EDAR: variants seen among roughly 807,000 people sequenced by gnomAD.
The protein encoded by EDAR is tumor necrosis factor receptor superfamily member EDAR.
EDAR carries 38 observed loss-of-function variants against 51.3 expected under a neutral mutation model. The observed-to-expected ratio is 0.74, with a 90% CI of 0.57 to 0.97. The LOEUF is 0.97. Ranked by LOEUF, EDAR falls within the 50% of genes least tolerant of loss-of-function variation. The pLI, the probability that EDAR is intolerant of heterozygous loss-of-function variation, is 0.00. For synonymous variants in EDAR, 227 were observed against 242.1 expected, an observed-to-expected ratio of 0.94 and a Z score of 0.58; for missense variants, 528 against 595.0, an observed-to-expected ratio of 0.89 and a Z score of 1.17.
intron 5 of EDAR, among the ~76,000 whole-genome samples, chr2:108,921,792 G>A (rs908879564): frequency 8.5e-5 from 13 of 152,210 alleles, no homozygotes; most frequent in African/African-American, 3.1e-4. Flanking sequence ...CTATCTGGCC[G>A]CATCTCCCCA....
intron 11 of EDAR, among the ~76,000 whole-genome samples, chr2:108,901,222 A>G (rs1190007644): frequency 1.3e-5 from 2 of 152,202 alleles, no homozygotes. Flanking sequence ...AAACCAGACA[A>G]CAGTCTTCTA....
In EDAR at chr2:108,927,033, G is replaced by A. The variant is rs150566629; in HGVS notation, c.356+2165C>T. ...GAGCCCCTGAGAGGGGCTGGGATTC[G>A]GAGGTGAGGCGGGGGCCTTCAATTT... On this transcript the variant is annotated intron_variant, in intron 4 of 11. Transcript: ENST00000258443. Among the ~76,000 whole-genome samples, 24 of 152,344 alleles carry A rather than the reference G, an allele frequency of 1.6e-4. No individual in the cohort carries two copies. In the East Asian group the frequency reaches 4.1e-3, roughly 26 times the overall value.
At chr2:108,957,927 T>C (rs1022032245) in intron 1 of EDAR, among the ~76,000 whole-genome samples, 5 of 152,204 alleles carry the variant, frequency 3.3e-5, no homozygotes, top group Non-Finnish European at 5.9e-5. Flanking sequence ...GTCTCTTTAA[T>C]ATAAACAAGA....
chr2:108,981,534 C>T (rs1698420221), intron 1 of EDAR, among the ~76,000 whole-genome samples: 1 of 152,332 alleles, frequency 6.6e-6, no homozygotes, highest in South Asian at 2.1e-4. Context: ...AACACCTGTC[C>T]AGGATCCGGG....
intron 11 of EDAR, 92 bp downstream of exon 11, chr2:108,906,216 A>G: frequency 7.3e-7 from 1 of 1,366,020 alleles, no homozygotes; most frequent in Non-Finnish European, 1.0e-6. Context: ...GGCTTCCCTC[A>G]GTTCCCCTCA....
intron 1 of EDAR, among the ~76,000 whole-genome samples, chr2:108,978,529 G>A (rs1395666001): frequency 1.3e-5 from 2 of 152,176 alleles, no homozygotes; most frequent in Non-Finnish European, 1.5e-5. Context: ...TAGGGAACAT[G>A]CAGATCCTCC....
At chr2:108,919,509 C>G (rs1697092811) in intron 5 of EDAR, among the ~76,000 whole-genome samples, 2 of 152,172 alleles carry the variant, frequency 1.3e-5, no homozygotes, top group Non-Finnish European at 1.5e-5. Context: ...CAGGCAGGCA[C>G]CACCACGCCC....
rs78145545 is a variant in EDAR at position 108,970,161 on chromosome 2, C to T, written c.-19+18799G>A. On this transcript the variant is annotated intron_variant, in intron 1 of 11. Transcript: ENST00000258443. ...GCTTTGCACTGAGAGGGGAGCATCG[C>T]CTGGGAGCTCCTCAGAGCTGGAAAA... Among the ~76,000 whole-genome samples the T allele has an allele frequency of 9.8e-3, 1,492 of 152,176 alleles. 35 individuals are homozygous for T. The highest frequency in any genetic ancestry group is 0.035 in the African/African-American group (1,444 of 41,514).
At chr2:108,937,258 G>C (rs1697490847) in intron 1 of EDAR, among the ~76,000 whole-genome samples, 1 of 152,228 alleles carries the variant, frequency 6.6e-6, no homozygotes. Flanking sequence ...AGATTTCAGG[G>C]CTATGAGGGG....
intron 1 of EDAR, among the ~76,000 whole-genome samples, chr2:108,940,945 C>T (rs944220948): frequency 6.6e-5 from 10 of 152,180 alleles, no homozygotes; most frequent in African/African-American, 1.2e-4. Flanking sequence ...ACTTTGATAA[C>T]GTATATACAC....
chr2:108,899,249 G>T (rs1696657098), intron 11 of EDAR, among the ~76,000 whole-genome samples: 1 of 152,244 alleles, frequency 6.6e-6, no homozygotes, highest in African/African-American at 2.4e-5. Flanking sequence ...CTGGAGACCA[G>T]AGAGAAGTAG....
chr2:108,920,303 C>G (rs1697111549), intron 5 of EDAR, among the ~76,000 whole-genome samples: 2 of 152,190 alleles, frequency 1.3e-5, no homozygotes, highest in South Asian at 4.1e-4. Flanking sequence ...GGACACTTTC[C>G]CAGGGGTGAT....
chr2:108,923,524 G>T, intron 4 of EDAR, 71 bp from the exon 5 acceptor site: 1 of 1,435,800 alleles, frequency 7.0e-7, no homozygotes, highest in South Asian at 1.1e-5. Context: ...CTGGTGCAGA[G>T]AGCACGGTGG....
chr2:108,912,629 C>T (rs756826308), intron 6 of EDAR, 49 bp downstream of exon 6: 11 of 1,506,666 alleles, frequency 7.3e-6, no homozygotes, highest in African/African-American at 1.4e-5. Context: ...GAGCTTTCAT[C>T]CGAGTACCAC....
chr2:108,976,646 T>C (rs544626511), intron 1 of EDAR, among the ~76,000 whole-genome samples: 3 of 152,362 alleles, frequency 2.0e-5, no homozygotes, highest in African/African-American at 7.2e-5. Flanking sequence ...GTCCATTATT[T>C]ATTTGTCAGT....
At chr2:108,911,099 A>AC (rs756970592) in intron 6 of EDAR, 27 bp from the exon 7 acceptor site, 2 of 1,613,726 alleles carry the variant, frequency 1.2e-6, no homozygotes, top group South Asian at 2.2e-5. Context: ...GGCATGAATG[A>AC]CCCAGAGCTC....
intron 1 of EDAR, among the ~76,000 whole-genome samples, chr2:108,937,497 G>A (rs1697497242): frequency 6.6e-6 from 1 of 152,100 alleles, no homozygotes; most frequent in East Asian, 1.9e-4. Context: ...GTATGTGTAT[G>A]TGTATGAATG....
chr2:108,983,056 C>A (rs1359018397), intron 1 of EDAR, among the ~76,000 whole-genome samples: 1 of 152,222 alleles, frequency 6.6e-6, no homozygotes, highest in Non-Finnish European at 1.5e-5. Flanking sequence ...CCACACTCTG[C>A]AAATCTACCG....
intron 1 of EDAR, among the ~76,000 whole-genome samples, chr2:108,974,347 AAAAAAAAG>A (rs1698286926): frequency 2.7e-5 from 4 of 150,454 alleles, no homozygotes; most frequent in Non-Finnish European, 5.9e-5. Flanking sequence ...AAAAAAAAAA[AAAAAAAAG>A]AAATGCCACA....
Sources: allele counts gnomAD v4.1 joint callset (sites outside exome capture counted in the v4.1 genomes callset), GRCh38; gene constraint gnomAD v4.1.1; transcripts MANE v1.5; gene names NCBI Gene and HGNC (gene_info 2026-07-23, HGNC 2026-07-21).